Variants in BLNK observed in about 807,000 individuals in gnomAD.
The protein encoded by BLNK is B-cell linker protein.
Under a neutral mutation model 73.5 loss-of-function variants are expected in BLNK, and 29 were observed. The observed-to-expected ratio is 0.39, with a 90% CI of 0.29 to 0.54. The LOEUF is 0.54. BLNK is among the 20% of genes least tolerant of loss of function. The pLI is 0.61. For missense variants in BLNK, 460 were observed against 562.8 expected (o/e 0.82, Z 1.85); for synonymous variants, 176 against 200.8 (o/e 0.88, Z 1.04).
At chr10:96,228,892 A>G (rs1050104438) in intron 4 of BLNK, among the ~76,000 whole-genome samples, 1 of 152,182 alleles carries the variant, frequency 6.6e-6, no homozygotes, top group Non-Finnish European at 1.5e-5. Flanking sequence ...GTCGCCTTTC[A>G]TAAGCAATTT....
chr10:96,230,045 T>A (rs1395754719), intron 4 of BLNK, among the ~76,000 whole-genome samples: 1 of 152,208 alleles, frequency 6.6e-6, no homozygotes, highest in African/African-American at 2.4e-5. Flanking sequence ...CCCTTCCAGA[T>A]CTAAAACTCA....
At chr10:96,212,589 C>T (rs187605021) in intron 8 of BLNK, among the ~76,000 whole-genome samples, 3 of 152,254 alleles carry the variant, frequency 2.0e-5, no homozygotes, top group African/African-American at 4.8e-5. Context: ...TCAAGCACAG[C>T]GGGGACGGCA....
rs2084261600 is a variant in BLNK at position 96,223,972 on chromosome 10, T to G, written c.379A>C (p.Arg127=). ...GTCTTGCTGAAGGGTGGGGAATGCC[T>G]CTGGCTTGATCGATTGTCTTGAAAG... ...GEYIDNRSSQ[R]HSPPFSKTLP... is the part of the protein sequence containing the mutation. The change falls in exon 6 of 17, where the codon AGG becomes CGG. Residue 127 remains arginine (R), a synonymous_variant. Transcript: ENST00000224337. The G allele has an allele frequency of 1.2e-6, 2 of 1,612,958 alleles. No homozygotes were observed. The highest frequency in any genetic ancestry group is 1.7e-6 in the Non-Finnish European group (2 of 1,180,008).
chr10:96,190,101 GT>G lies in BLNK; in HGVS notation c.*1871del, dbSNP rs1554893050. 1.1e-6 allele frequency: 1 copy of G among 950,692 alleles called. No homozygotes were observed. The highest frequency in any genetic ancestry group is 1.6e-5 in the African/African-American group (1 of 62,708). 58.9% of individuals were successfully genotyped at this position (950,692 alleles called of 1,614,324 possible). Reference sequence around the variant, plus strand: ...AACTGACCGTTCTTAAGGATAACTGGTGCTCATTTTCATCATTATCCACCTT... The same window carrying G: ...AACTGACCGTTCTTAAGGATAACTGGGCTCATTTTCATCATTATCCACCTT... On this transcript the variant is annotated 3_prime_UTR_variant, in exon 17 of 17. Transcript: ENST00000224337.
At chr10:96,210,010 C>T (rs1388718507) in intron 8 of BLNK, 103 bp from the exon 9 acceptor site, 8 of 1,239,924 alleles carry the variant, frequency 6.5e-6, no homozygotes. Context: ...TTTGCACATA[C>T]TGTGTTGCTT....
chr10:96,228,047 T>A (rs1398697393), intron 4 of BLNK, among the ~76,000 whole-genome samples: 1 of 151,524 alleles, frequency 6.6e-6, no homozygotes, highest in African/African-American at 2.4e-5. Flanking sequence ...ATTGGTAAGC[T>A]GCAGGGTCAA....
intron 3 of BLNK, among the ~76,000 whole-genome samples, chr10:96,233,829 T>A (rs782268615): frequency 2.6e-5 from 4 of 152,260 alleles, no homozygotes; most frequent in Non-Finnish European, 4.4e-5. Context: ...TCTTTGCATC[T>A]GGACAGAATT....
intron 13 of BLNK, among the ~76,000 whole-genome samples, chr10:96,202,771 G>A (rs1414977142): frequency 1.3e-5 from 2 of 152,172 alleles, no homozygotes; most frequent in African/African-American, 2.4e-5. Flanking sequence ...TGTGGTTTCT[G>A]CAGTTCTGGC....
At chr10:96,265,196 C>A (rs1202815040) in intron 1 of BLNK, among the ~76,000 whole-genome samples, 1 of 151,378 alleles carries the variant, frequency 6.6e-6, no homozygotes, top group Non-Finnish European at 1.5e-5. Flanking sequence ...GTTGACCCGG[C>A]TGGTCTTGAA....
intron 2 of BLNK, among the ~76,000 whole-genome samples, chr10:96,244,190 A>G (rs1338980361): frequency 1.3e-5 from 2 of 152,150 alleles, no homozygotes; most frequent in Non-Finnish European, 1.5e-5. Context: ...GGAAGATACT[A>G]TCATTAGTCC....
intron 11 of BLNK, among the ~76,000 whole-genome samples, chr10:96,206,125 T>G (rs1284860435): frequency 6.6e-6 from 1 of 152,022 alleles, no homozygotes; most frequent in East Asian, 1.9e-4. Context: ...AGCAGAGAGG[T>G]GAGTTGTAGT....
At chr10:96,255,443 T>C (rs1223350485) in intron 1 of BLNK, among the ~76,000 whole-genome samples, 1 of 152,214 alleles carries the variant, frequency 6.6e-6, no homozygotes, top group Non-Finnish European at 1.5e-5. Flanking sequence ...GTTTTCCTTG[T>C]AGCTCTTTAG....
intron 10 of BLNK, among the ~76,000 whole-genome samples, 153 bp from the exon 11 acceptor site, chr10:96,207,206 C>T (rs1422699963): frequency 6.6e-6 from 1 of 152,156 alleles, no homozygotes; most frequent in African/African-American, 2.4e-5. Context: ...ACCCACAGTC[C>T]CTAGCCCAAC....
chr10:96,218,221 G>C (rs1396181359), intron 6 of BLNK, among the ~76,000 whole-genome samples: 1 of 152,126 alleles, frequency 6.6e-6, no homozygotes, highest in Non-Finnish European at 1.5e-5. Context: ...AGGGTACTAG[G>C]AGAAACAAAA....
In BLNK at chr10:96,190,192, T is replaced by G. The variant is rs148558681; in HGVS notation, c.*1781A>C. ...AAGATAGTTCTGGGCCTCAGGGGGC[T>G]CACGTCCATGTCCATCGAATCTTCC... On this transcript the variant is annotated 3_prime_UTR_variant, in exon 17 of 17. Transcript: ENST00000224337. 1.2e-4 allele frequency: 98 copies of G among 785,570 alleles called. No individual in the cohort carries two copies. The African/African-American group carries it at 1.3e-3, about 10-fold the overall frequency. The allele number at this position is 785,570 out of a possible 1,614,324, so 48.7% of individuals were successfully genotyped here. A position where few individuals can be genotyped will look rare whatever the true frequency, so the allele number is the denominator to read the frequency against.
rs1591285272 is a variant in BLNK at position 96,191,763 on chromosome 10, G to T, written c.*210C>A. On this transcript the variant is annotated 3_prime_UTR_variant, in exon 17 of 17. Coordinates refer to ENST00000224337, the MANE Select transcript of BLNK (RefSeq NM_013314.4). The stretch of plus-strand genomic sequence containing the variant: ...GTAGCATGATAACTCAACCTCACCA[G>T]ATATTAACAGTTCATCAGGTCAGGC... 1 of 570,714 alleles carries T rather than the reference G, an allele frequency of 1.8e-6. No individual in the cohort carries two copies. 35.4% of individuals were successfully genotyped at this position (570,714 alleles called of 1,614,324 possible). A position where few individuals can be genotyped will look rare whatever the true frequency, so the allele number is the denominator to read the frequency against.
intron 1 of BLNK, among the ~76,000 whole-genome samples, chr10:96,256,129 C>T (rs868956166): frequency 6.6e-6 from 1 of 151,996 alleles, no homozygotes; most frequent in Non-Finnish European, 1.5e-5. Flanking sequence ...GTCAGGAGTT[C>T]AAGTACTGCA....
chr10:96,204,479 T>C, intron 12 of BLNK, 53 bp downstream of exon 12: 1 of 1,569,956 alleles, frequency 6.4e-7, no homozygotes, highest in East Asian at 2.2e-5. Flanking sequence ...AATGCACATG[T>C]TAATTCCTGC....
chr10:96,224,074 A>G, intron 5 of BLNK, 85 bp from the exon 6 acceptor site: 1 of 1,508,262 alleles, frequency 6.6e-7, no homozygotes, highest in Non-Finnish European at 9.2e-7. Context: ...CAGAAAGTAT[A>G]AAACCACGGG....
Sources: allele counts gnomAD v4.1 joint callset (sites outside exome capture counted in the v4.1 genomes callset), GRCh38; gene constraint gnomAD v4.1.1; transcripts MANE v1.5; gene names NCBI Gene and HGNC (gene_info 2026-07-23, HGNC 2026-07-21).